The following DDX60L variants were observed in gnomAD, a reference collection of about 807,000 sequenced individuals.
DDX60L encodes probable ATP-dependent RNA helicase DDX60-like.
In DDX60L, 191 loss-of-function variants were observed where a neutral mutation model predicts 211.6. The ratio of observed to expected loss-of-function variants is 0.90; its 90% CI spans 0.80 to 1.02. The LOEUF is 1.02. Among genes scored for constraint, DDX60L ranks in the 50% least tolerant of loss-of-function variants. DDX60L has a pLI of 0.00. For missense variants in DDX60L, 2,007 were observed against 1,984.1 expected, an observed-to-expected ratio of 1.01 and a Z score of -0.22; for synonymous variants, 706 against 694.1, an observed-to-expected ratio of 1.02 and a Z score of -0.27.
intron 17 of DDX60L, among the ~76,000 whole-genome samples, chr4:168,420,996 C>T (rs764092424): frequency 7.6e-4 from 116 of 152,122 alleles, no homozygotes; most frequent in Non-Finnish European, 1.4e-3. Context: ...TCTTATCCAG[C>T]ATTTCAGGTA....
intron 5 of DDX60L, among the ~76,000 whole-genome samples, chr4:168,458,672 G>A (rs976191583): frequency 2.0e-5 from 3 of 152,124 alleles, no homozygotes; most frequent in African/African-American, 7.2e-5. Flanking sequence ...GGGAGGGAGA[G>A]CATCAGGATA....
In DDX60L at chr4:168,423,720, G is replaced by C. The variant is rs1289463599; in HGVS notation, c.1985C>G (p.Ser662Ter). 3.1e-6 allele frequency: 5 copies of C among 1,604,242 alleles called. No individual in the cohort carries two copies. In the African/African-American group the frequency reaches 4.0e-5, roughly 13 times the overall value. ...IAVQMMKRIH[S>*]LLERYPEILE... is the part of the protein sequence containing the mutation. ...AATTTCTGGGTATCTCTCCAGGAGT[G>C]AATGAATCCTTTTCATCATTTGAAC... Residue 662 changes from serine (S) to a stop codon, truncating the protein, a stop_gained, in exon 15 of 38, where the codon TCA becomes TGA. Transcript: ENST00000682922. LOFTEE classifies it high-confidence loss of function.
intron 35 of DDX60L, among the ~76,000 whole-genome samples, chr4:168,372,236 G>C (rs1225344280): frequency 6.6e-6 from 1 of 152,032 alleles, no homozygotes; most frequent in Admixed American, 6.6e-5. Context: ...AAACCTCTGG[G>C]CTCCAGAGAG....
chr4:168,372,630 G>C (rs1301392444), intron 35 of DDX60L, among the ~76,000 whole-genome samples: 1 of 152,036 alleles, frequency 6.6e-6, no homozygotes, highest in Non-Finnish European at 1.5e-5. Context: ...GGGAGACTGA[G>C]GTGGGAGGAT....
At chr4:168,456,437 AGATT>A (rs1207439772) in intron 6 of DDX60L, among the ~76,000 whole-genome samples, 6 of 152,324 alleles carry the variant, frequency 3.9e-5, no homozygotes, top group Admixed American at 3.3e-4. Context: ...AGAAGGAAAT[AGATT>A]ATTAATAAAA....
rs1333788478 is a variant in DDX60L, at chr4:168,436,805, A to G, written c.1295-3690T>C. ...TTCCAAAGAGAGGAATGTTTCCACC[A>G]GGAGACACAACAATGATTCCATTGA... On this transcript the variant is annotated intron_variant, in intron 10 of 37. Transcript: ENST00000682922. Among the ~76,000 whole-genome samples, 5 of 152,188 alleles carry G rather than the reference A, an allele frequency of 3.3e-5. 1 individual carries two copies. In the East Asian group the frequency reaches 9.6e-4, roughly 29 times the overall value.
intron 12 of DDX60L, among the ~76,000 whole-genome samples, chr4:168,430,963 G>A (rs369830254): frequency 1.3e-5 from 2 of 152,146 alleles, no homozygotes; most frequent in Admixed American, 6.5e-5. Flanking sequence ...CAAATCTGAT[G>A]AGTACATTTT....
chr4:168,450,794 C>T (rs761019935), intron 8 of DDX60L, among the ~76,000 whole-genome samples: 24 of 152,106 alleles, frequency 1.6e-4, no homozygotes, highest in Non-Finnish European at 2.2e-4. Flanking sequence ...ATAGTCCCAT[C>T]TATTAGAGAG....
At chr4:168,410,121 T>C (rs1465471834) in intron 22 of DDX60L, among the ~76,000 whole-genome samples, 1 of 151,978 alleles carries the variant, frequency 6.6e-6, no homozygotes, top group African/African-American at 2.4e-5. Context: ...ATTTTATAAT[T>C]TAATAAGAAA....
chr4:168,477,256 A>T (rs531685419), intron 1 of DDX60L, among the ~76,000 whole-genome samples: 16 of 152,222 alleles, frequency 1.1e-4, no homozygotes, highest in Admixed American at 3.3e-4. Flanking sequence ...TCTACTAAAA[A>T]TACAAAAAAT....
chr4:168,457,220 A>AAAAAC (rs1177406977), intron 6 of DDX60L, among the ~76,000 whole-genome samples: 1 of 151,442 alleles, frequency 6.6e-6, no homozygotes, highest in East Asian at 1.9e-4. Context: ...TGTCTGAAAA[A>AAAAAC]AAAACAAAAC....
At chr4:168,390,525 C>A in intron 29 of DDX60L, 3 of 1,430,880 alleles carry the variant, frequency 2.1e-6, no homozygotes, top group South Asian at 1.6e-5. Flanking sequence ...GGAGAGTTCA[C>A]ATGATCTAAA....
At chr4:168,456,342 T>C (rs753122382) in intron 6 of DDX60L, among the ~76,000 whole-genome samples, 190 bp from the exon 7 acceptor site, 6 of 151,742 alleles carry the variant, frequency 4.0e-5, no homozygotes, top group Non-Finnish European at 8.8e-5. Flanking sequence ...ACAACCAATA[T>C]GCCAGAGAAA....
At chr4:168,470,839 T>TAAA (rs78162593) in intron 4 of DDX60L, 25 of 220,632 alleles carry the variant, frequency 1.1e-4, no homozygotes, top group Middle Eastern at 4.8e-4. Flanking sequence ...AAACTCCATC[T>TAAA]AAAAAAAAAA....
intron 35 of DDX60L, 121 bp from the exon 36 acceptor site, chr4:168,371,884 G>A: frequency 1.0e-6 from 1 of 964,788 alleles, no homozygotes; most frequent in Non-Finnish European, 1.5e-6. Context: ...TTGAAGTGAA[G>A]GAGGCAGGCA....
intron 27 of DDX60L, among the ~76,000 whole-genome samples, chr4:168,395,182 C>G (rs1745556241): frequency 6.6e-6 from 1 of 152,172 alleles, no homozygotes; most frequent in Non-Finnish European, 1.5e-5. Flanking sequence ...TAAAAATAGC[C>G]TATGCAGCCT....
chr4:168,405,502 C>T (rs964886216), intron 24 of DDX60L, among the ~76,000 whole-genome samples: 6 of 152,184 alleles, frequency 3.9e-5, no homozygotes, highest in Non-Finnish European at 5.9e-5. Context: ...TATATTTTCT[C>T]ATTTATCATC....
At chr4:168,398,310 C>T (rs1161211008) in intron 26 of DDX60L, among the ~76,000 whole-genome samples, 1 of 152,238 alleles carries the variant, frequency 6.6e-6, no homozygotes, top group Non-Finnish European at 1.5e-5. Context: ...GCTGTCACAA[C>T]CTAGCCAGGT....
intron 36 of DDX60L, among the ~76,000 whole-genome samples, chr4:168,369,345 A>G (rs987462354): frequency 1.3e-5 from 2 of 152,180 alleles, no homozygotes; most frequent in Non-Finnish European, 1.5e-5. Flanking sequence ...CATGTGAGAC[A>G]TGTCTTTCAA....
Sources: gnomAD v4.1 joint callset for allele counts (sites outside exome capture counted in the v4.1 genomes callset) on GRCh38, gnomAD v4.1.1 for gene constraint, MANE v1.5 for transcripts, NCBI Gene and HGNC (gene_info 2026-07-23, HGNC 2026-07-21) for gene names.